Variants in DDX10 observed in about 807,000 individuals in gnomAD.
The protein encoded by DDX10 is DEAD-box helicase 10.
A neutral mutation model predicts 104.3 loss-of-function variants in DDX10; 74 were observed. That is an observed-to-expected ratio of 0.71 (90% CI 0.59 to 0.86). DDX10 has a LOEUF of 0.86. Ranked by LOEUF, DDX10 falls within the 40% of genes least tolerant of loss-of-function variation. DDX10 has a pLI of 0.00. For synonymous variants in DDX10, 351 were observed against 353.4 expected (o/e 0.99, Z 0.08); for missense variants, 952 against 1,040.0 (o/e 0.92, Z 1.16).
At chr11:108,732,727 G>A (rs1262109105) in intron 13 of DDX10, among the ~76,000 whole-genome samples, 1 of 152,182 alleles carries the variant, frequency 6.6e-6, no homozygotes, top group Non-Finnish European at 1.5e-5. Flanking sequence ...AGAGATGGCT[G>A]GTTGACCTCC....
intron 13 of DDX10, among the ~76,000 whole-genome samples, chr11:108,772,040 C>T (rs1189817852): frequency 6.6e-6 from 1 of 152,052 alleles, no homozygotes; most frequent in African/African-American, 2.4e-5. Flanking sequence ...AAGATGGTGC[C>T]CATGCAAAAA....
intron 13 of DDX10, among the ~76,000 whole-genome samples, chr11:108,837,616 T>TTTTTTTC (rs1862573957): frequency 9.8e-6 from 1 of 101,788 alleles, no homozygotes; most frequent in African/African-American, 4.3e-5. Context: ...GCTTTTTTTT[T>TTTTTTTC]TTTTTTTTTT....
chr11:108,938,217 T>C (rs1205268630), intron 17 of DDX10, among the ~76,000 whole-genome samples: 4 of 152,244 alleles, frequency 2.6e-5, no homozygotes, highest in South Asian at 2.1e-4. Context: ...TAACTTGTTA[T>C]ACAGATTGCT....
chr11:108,782,425 T>C (rs961176046), intron 13 of DDX10, among the ~76,000 whole-genome samples: 6 of 152,188 alleles, frequency 3.9e-5, no homozygotes, highest in African/African-American at 1.4e-4. Context: ...TTCATCACTT[T>C]AGAGTCTGCG....
intron 13 of DDX10, among the ~76,000 whole-genome samples, chr11:108,828,407 GT>G (rs1862425740): frequency 6.6e-6 from 1 of 152,100 alleles, no homozygotes; most frequent in African/African-American, 2.4e-5. Context: ...TTGATGTTTG[GT>G]TTTCCATTAC....
At chr11:108,784,924 C>G (rs1017371528) in intron 13 of DDX10, among the ~76,000 whole-genome samples, 3 of 152,162 alleles carry the variant, frequency 2.0e-5, no homozygotes, top group African/African-American at 7.2e-5. Context: ...GCCAGTTACT[C>G]TGGTATCATT....
chr11:108,675,267 T>G (rs1180398107), intron 2 of DDX10, among the ~76,000 whole-genome samples: 1 of 152,216 alleles, frequency 6.6e-6, no homozygotes, highest in Non-Finnish European at 1.5e-5. Flanking sequence ...TAATAAACCC[T>G]TTGGATTATA....
chr11:108,713,109 G>C (rs961104537), intron 10 of DDX10, among the ~76,000 whole-genome samples: 1 of 152,034 alleles, frequency 6.6e-6, no homozygotes, highest in African/African-American at 2.4e-5. Context: ...TTAATTTTCT[G>C]TAGTTTGACA....
intron 10 of DDX10, among the ~76,000 whole-genome samples, chr11:108,714,835 G>A (rs182479248): frequency 3.3e-5 from 5 of 152,150 alleles, no homozygotes; most frequent in Admixed American, 3.3e-4. Context: ...GAGAGTTGAG[G>A]ATGTAGAAGA....
At chr11:108,719,937 T>G (rs1205038823) in intron 12 of DDX10, 52 bp downstream of exon 12, 1 of 1,098,184 alleles carries the variant, frequency 9.1e-7, no homozygotes, top group East Asian at 2.4e-5. Context: ...TTAGAGGGAA[T>G]TAATTAATTA....
intron 11 of DDX10, 118 bp from the exon 12 acceptor site, chr11:108,719,679 C>G (rs991257243): frequency 1.0e-5 from 6 of 594,048 alleles, no homozygotes; most frequent in African/African-American, 1.9e-5. Flanking sequence ...ATATACTGAA[C>G]TATTTCGTGG....
In DDX10 at chr11:108,838,481, A is replaced by T. The variant is rs773367341; in HGVS notation, c.2001A>T (p.Lys667Asn). The T allele has an allele frequency of 3.7e-6, 6 of 1,612,944 alleles. No homozygotes were observed. Among genetic ancestry groups the T allele is most frequent in the Admixed American group, 1.7e-5 (1 of 59,954 alleles). The stretch of plus-strand genomic sequence containing the variant: ...CTTCTAAATCCAGCATCAAGAAAAA[A>T]ATGACCAAAGTTGCAGAAGCAAAAA... ...KEPSKSSIKKKMTKVAEAKKV... is the reference protein window; with the variant it reads ...KEPSKSSIKKNMTKVAEAKKV... Residue 667 changes from lysine to asparagine, a missense_variant, in exon 14 of 18, where the codon AAA becomes AAT. Physicochemically the swap from Lys to Asn is moderately conservative, Grantham distance 94 (BLOSUM62 0). Transcript: ENST00000322536.
At chr11:108,737,481 T>A (rs2094319800) in intron 13 of DDX10, among the ~76,000 whole-genome samples, 1 of 152,224 alleles carries the variant, frequency 6.6e-6, no homozygotes, top group South Asian at 2.1e-4. Context: ...AAAACAGTGA[T>A]GTTTTGTTAC....
At chr11:108,670,784 T>A (rs188961013) in intron 1 of DDX10, among the ~76,000 whole-genome samples, 4 of 151,770 alleles carry the variant, frequency 2.6e-5, no homozygotes, top group Admixed American at 6.6e-5. Flanking sequence ...GCATAGAAAC[T>A]GCATTCAAAT....
At chr11:108,701,654 T>C (rs1261831136) in intron 9 of DDX10, among the ~76,000 whole-genome samples, 1 of 151,248 alleles carries the variant, frequency 6.6e-6, no homozygotes, top group Non-Finnish European at 1.5e-5. Context: ...AAATCTGGTG[T>C]TTTTTCTTTC....
At chr11:108,791,291 A>G (rs949415300) in intron 13 of DDX10, among the ~76,000 whole-genome samples, 8 of 152,214 alleles carry the variant, frequency 5.3e-5, no homozygotes, top group Admixed American at 5.2e-4. Flanking sequence ...TGAGAAGTGG[A>G]TCCTTCAGTT....
At chr11:108,851,401 T>G (rs1360592061) in intron 15 of DDX10, among the ~76,000 whole-genome samples, 1 of 152,172 alleles carries the variant, frequency 6.6e-6, no homozygotes, top group Non-Finnish European at 1.5e-5. Context: ...GGTGCCAACT[T>G]AATTTAGGCA....
chr11:108,932,411 C>T (rs1215720924), intron 17 of DDX10, among the ~76,000 whole-genome samples: 2 of 151,954 alleles, frequency 1.3e-5, no homozygotes, highest in African/African-American at 4.8e-5. Flanking sequence ...TGTGTCAGCC[C>T]AGTTCAAGGC....
intron 16 of DDX10, among the ~76,000 whole-genome samples, chr11:108,880,541 A>C (rs1250733964): frequency 6.6e-6 from 1 of 152,226 alleles, no homozygotes; most frequent in Non-Finnish European, 1.5e-5. Context: ...AGATTATCAG[A>C]GTATAATCTG....
Sources: allele counts gnomAD v4.1 joint callset (sites outside exome capture counted in the v4.1 genomes callset), GRCh38; gene constraint gnomAD v4.1.1; transcripts MANE v1.5; gene names NCBI Gene and HGNC (gene_info 2026-07-23, HGNC 2026-07-21).